MED14: variants seen among roughly 807,000 people sequenced by gnomAD.
MED14 encodes the protein mediator of RNA polymerase II transcription subunit 14.
A neutral mutation model predicts 109.0 loss-of-function variants in MED14; 8 were observed. That is an observed-to-expected ratio of 0.07 (90% CI 0.04 to 0.13). The LOEUF (loss-of-function observed/expected upper bound fraction) is 0.13. Among genes scored for constraint, MED14 ranks in the 10% least tolerant of loss-of-function variants. The pLI is 1.00. For missense variants in MED14, 711 were observed against 1,142.4 expected, an observed-to-expected ratio of 0.62 and a Z score of 5.44; for synonymous variants, 399 against 408.7, an observed-to-expected ratio of 0.98 and a Z score of 0.29.
At chrX:40,673,377 T>C (rs748602289) in intron 22 of MED14, among the ~76,000 whole-genome samples, 3 of 112,098 alleles carry the variant, frequency 2.7e-5, no homozygotes, top group Non-Finnish European at 5.6e-5. Flanking sequence ...TTTCCCAAAG[T>C]GACAAATCAT....
chrX:40,677,580 A>G (rs767455853), intron 21 of MED14, among the ~76,000 whole-genome samples: 1 of 112,047 alleles, frequency 8.9e-6, no homozygotes, highest in East Asian at 2.8e-4. Context: ...TTTTGAAAAA[A>G]TTTTTTAAAG....
At position 40,654,941 on chromosome X, in the gene MED14, T is replaced by A; in HGVS notation, c.4092A>T (p.Leu1364=). The A allele has an allele frequency of 8.3e-7, 1 of 1,208,295 alleles. No individual in the cohort carries two copies. Among genetic ancestry groups the A allele is most frequent in the Non-Finnish European group, 1.1e-6 (1 of 893,603 alleles). Residue 1364 remains leucine (L), a synonymous_variant, in exon 29 of 31, where the codon CTA becomes CTT. Transcript: ENST00000324817. ...TPAVVLKSKM[L]FFLQLTQKTS... Reference sequence around the variant, plus strand: ...CATGCTGGGTGGTACTTACAAAAAATAGCATTTTGGATTTCAGCACCACAG... The same window carrying A: ...CATGCTGGGTGGTACTTACAAAAAAAAGCATTTTGGATTTCAGCACCACAG...
chrX:40,716,488 A>G (rs772715752), intron 3 of MED14, among the ~76,000 whole-genome samples: 1 of 108,533 alleles, frequency 9.2e-6, no homozygotes, highest in Non-Finnish European at 1.9e-5. Context: ...GTGGTCTCAC[A>G]GCTACTAGGG....
In MED14 at chrX:40,671,204, TGG is replaced by T. The variant is rs760277024; in HGVS notation, c.3133+655_3133+656del. Among the ~76,000 whole-genome samples the T allele has an allele frequency of 3.1e-3, 349 of 111,772 alleles. 5 individuals are homozygous for T. Among genetic ancestry groups the T allele is most frequent in the African/African-American group, 0.01 (315 of 30,742 alleles). ...TAGATGATAAGCTCAAGAGCAGGGC[TGG>T]TATCCGGTTCACTGCTAAATCTTCA... is the stretch of plus-strand genomic sequence containing the variant. On this transcript the variant is annotated intron_variant, in intron 23 of 30. Coordinates refer to ENST00000324817, the MANE Select transcript of MED14 (RefSeq NM_004229.4).
At chrX:40,703,610 ATTT>A in intron 10 of MED14, 41 bp from the exon 11 acceptor site, 2 of 1,006,939 alleles carry the variant, frequency 2.0e-6, no homozygotes, top group Non-Finnish European at 2.7e-6. Context: ...CTATCTGAAT[ATTT>A]TCCAGAAAAA....
At chrX:40,719,160 G>C (rs915693051) in intron 3 of MED14, among the ~76,000 whole-genome samples, 1 of 112,258 alleles carries the variant, frequency 8.9e-6, no homozygotes, top group Non-Finnish European at 1.9e-5. Flanking sequence ...GTAACAACCA[G>C]TGTTGGCATA....
chrX:40,672,084 C>A, intron 22 of MED14, 112 bp from the exon 23 acceptor site: 1 of 409,914 alleles, frequency 2.4e-6, no homozygotes, highest in Non-Finnish European at 4.3e-6. Flanking sequence ...TTGCTGGTTA[C>A]CAAATAGGAA....
In MED14 at chrX:40,723,271, T is replaced by C. The variant is rs756654497; in HGVS notation, c.348+3475A>G. Reference sequence around the variant, plus strand: ...ACTGCAGAGTTTTCATTAGTTTTCTTTTTGTGTGTTTGTTTATGCAATCAG... The same window carrying C: ...ACTGCAGAGTTTTCATTAGTTTTCTCTTTGTGTGTTTGTTTATGCAATCAG... On this transcript the variant is annotated intron_variant, in intron 3 of 30. Coordinates refer to ENST00000324817, the MANE Select transcript of MED14 (RefSeq NM_004229.4). Among the ~76,000 whole-genome samples the C allele has an allele frequency of 2.9e-4, 32 of 112,094 alleles. No individual in the cohort carries two copies. The South Asian group carries it at 0.012, about 41-fold the overall frequency.
At chrX:40,706,222 A>G (rs1931136070) in intron 10 of MED14, among the ~76,000 whole-genome samples, 1 of 111,979 alleles carries the variant, frequency 8.9e-6, no homozygotes, top group Admixed American at 9.5e-5. Context: ...GGATCAAGTA[A>G]GACTACATGG....
intron 8 of MED14, 137 bp downstream of exon 8, chrX:40,711,032 A>G (rs1350626350): frequency 5.6e-6 from 4 of 719,293 alleles, no homozygotes; most frequent in Non-Finnish European, 8.0e-6. Flanking sequence ...TGATCTGCAT[A>G]TAAGTGGACC....
At chrX:40,711,464 T>G (rs1457488246) in intron 7 of MED14, among the ~76,000 whole-genome samples, 163 bp from the exon 8 acceptor site, 1 of 112,041 alleles carries the variant, frequency 8.9e-6, no homozygotes, top group African/African-American at 3.2e-5. Flanking sequence ...TAAAAAGTAT[T>G]ATAATTTATA....
chrX:40,656,382 A>G (rs1393528020), intron 28 of MED14, among the ~76,000 whole-genome samples: 2 of 112,285 alleles, frequency 1.8e-5, no homozygotes, highest in Non-Finnish European at 3.8e-5. Context: ...CTACAAATCA[A>G]AAGACCTAAA....
intron 26 of MED14, 80 bp downstream of exon 26, chrX:40,662,845 A>G (rs1215967332): frequency 1.4e-6 from 1 of 700,846 alleles, no homozygotes; most frequent in Non-Finnish European, 2.1e-6. Flanking sequence ...ATGTCACGTT[A>G]GTTCAGATCC....
rs781201507 is a variant in MED14, at chrX:40,725,541, A to G, written c.348+1205T>C. Among the ~76,000 whole-genome samples, 20 of 112,353 alleles carry G rather than the reference A, an allele frequency of 1.8e-4. No individual in the cohort carries two copies. In the South Asian group the frequency reaches 5.8e-3, roughly 33 times the overall value. On this transcript the variant is annotated intron_variant, in intron 3 of 30. Coordinates refer to ENST00000324817, the MANE Select transcript of MED14 (RefSeq NM_004229.4). The stretch of plus-strand genomic sequence containing the variant: ...ATGGTTCAAAATATACAAATCAATC[A>G]CTGTGATACATCATATCTATAGAAT...
chrX:40,695,515 T>C (rs992165824), intron 13 of MED14, among the ~76,000 whole-genome samples: 10 of 112,349 alleles, frequency 8.9e-5, no homozygotes, highest in Middle Eastern at 4.2e-3. Context: ...ATTATTGCTT[T>C]ATAATAGATC....
intron 28 of MED14, among the ~76,000 whole-genome samples, chrX:40,658,610 G>A (rs1301950382): frequency 9.8e-6 from 1 of 101,782 alleles, no homozygotes; most frequent in African/African-American, 3.6e-5. Context: ...CAGCACTTTG[G>A]GAGGCCAAGG....
intron 13 of MED14, among the ~76,000 whole-genome samples, chrX:40,693,460 G>A (rs779186924): frequency 9.0e-6 from 1 of 111,551 alleles, no homozygotes; most frequent in African/African-American, 3.3e-5. Flanking sequence ...CACCATCCAC[G>A]TAAGCTGTGA....
At chrX:40,652,978 G>A (rs1425221481) in intron 30 of MED14, among the ~76,000 whole-genome samples, 1 of 109,962 alleles carries the variant, frequency 9.1e-6, no homozygotes, top group East Asian at 2.9e-4. Context: ...CCAGTCCAAG[G>A]GGGGAAAAAA....
At chrX:40,735,124 G>C in intron 1 of MED14, 74 bp downstream of exon 1, 1 of 771,537 alleles carries the variant, frequency 1.3e-6, no homozygotes, top group Non-Finnish European at 1.8e-6. Context: ...CTCGGGGAGA[G>C]GGAGGTGCAA....
Sources: allele counts gnomAD v4.1 joint callset (sites outside exome capture counted in the v4.1 genomes callset), GRCh38; gene constraint gnomAD v4.1.1; transcripts MANE v1.5; gene names NCBI Gene and HGNC (gene_info 2026-07-23, HGNC 2026-07-21).